PRKCE: variants seen among roughly 807,000 people sequenced by gnomAD.
The protein encoded by PRKCE is protein kinase C epsilon.
PRKCE carries 16 observed loss-of-function variants against 85.4 expected under a neutral mutation model. That is an observed-to-expected ratio of 0.19 (90% CI 0.13 to 0.28). PRKCE has a LOEUF of 0.28. Ranked by LOEUF, PRKCE falls within the 10% of genes least tolerant of loss-of-function variation. The probability of loss-of-function intolerance (pLI) is 1.00; values close to 1 mark genes in which losing one functional copy is unlikely to be tolerated. For missense variants in PRKCE, 573 were observed against 975.2 expected (o/e 0.59, Z 5.49); for synonymous variants, 388 against 371.5 (o/e 1.04, Z -0.51).
At chr2:45,997,255 A>G (rs1345137051) in intron 6 of PRKCE, among the ~76,000 whole-genome samples, 1 of 152,022 alleles carries the variant, frequency 6.6e-6, no homozygotes, top group Non-Finnish European at 1.5e-5. Flanking sequence ...TGCTCTTTAC[A>G]AAGAACCAGC....
intron 1 of PRKCE, among the ~76,000 whole-genome samples, chr2:45,797,386 G>T (rs1687524516): frequency 6.6e-6 from 1 of 152,322 alleles, no homozygotes; most frequent in African/African-American, 2.4e-5. Context: ...ACACACCCTG[G>T]TTTGCCCAGA....
At chr2:45,743,297 A>ATAATTAGCTTGATTG (rs1682736165) in intron 1 of PRKCE, among the ~76,000 whole-genome samples, 1 of 152,014 alleles carries the variant, frequency 6.6e-6, no homozygotes, top group Non-Finnish European at 1.5e-5. Flanking sequence ...TGAGGTGAAT[A>ATAATTAGCTTGATTG]TGATAATTAG....
intron 1 of PRKCE, among the ~76,000 whole-genome samples, chr2:45,681,193 G>A (rs1310795378): frequency 6.8e-6 from 1 of 147,448 alleles, no homozygotes; most frequent in Non-Finnish European, 1.5e-5. Context: ...GGAGGCTGAG[G>A]CAGGAGAAGC....
At chr2:46,093,656 A>C (rs1302822951) in intron 11 of PRKCE, among the ~76,000 whole-genome samples, 1 of 151,640 alleles carries the variant, frequency 6.6e-6, no homozygotes, top group Non-Finnish European at 1.5e-5. Flanking sequence ...AGCCTCCCAA[A>C]TTGCTGGGAT....
intron 2 of PRKCE, among the ~76,000 whole-genome samples, chr2:45,924,341 T>C (rs1385650050): frequency 6.6e-6 from 1 of 152,220 alleles, no homozygotes; most frequent in Non-Finnish European, 1.5e-5. Context: ...ATTTTGAGGC[T>C]TTCTTTACTG....
intron 2 of PRKCE, among the ~76,000 whole-genome samples, chr2:45,928,532 A>T (rs900633428): frequency 6.6e-6 from 1 of 152,204 alleles, no homozygotes; most frequent in African/African-American, 2.4e-5. Context: ...GGCTTCCCAA[A>T]GTGCTAGGAT....
rs575758089 is a variant in PRKCE at position 46,098,783 on chromosome 2, T to C, written c.1592+12421T>C. 1.2e-3 allele frequency among the ~76,000 whole-genome samples: 181 copies of C among 152,310 alleles called. 1 individual carries two copies. The highest frequency in any genetic ancestry group is 4.3e-3 in the African/African-American group (180 of 41,560). On this transcript the variant is annotated intron_variant, in intron 11 of 14. Coordinates refer to ENST00000306156, the MANE Select transcript of PRKCE (RefSeq NM_005400.3). ...TGCCTTTGGCTATTGAATCATTAGA[T>C]TGAGCTACTAAAAATGAGAATTGTT...
At chr2:45,833,954 T>C (rs550675839) in intron 1 of PRKCE, among the ~76,000 whole-genome samples, 1 of 152,348 alleles carries the variant, frequency 6.6e-6, no homozygotes, top group East Asian at 1.9e-4. Flanking sequence ...TCTGTACCCT[T>C]ACACACTCTC....
At chr2:45,808,072 G>C (rs1368159509) in intron 1 of PRKCE, among the ~76,000 whole-genome samples, 1 of 152,022 alleles carries the variant, frequency 6.6e-6, no homozygotes, top group African/African-American at 2.4e-5. Context: ...TCATGGTAGC[G>C]CATAGTGGTC....
chr2:45,658,722 T>A (rs1675496188), intron 1 of PRKCE, among the ~76,000 whole-genome samples: 1 of 152,242 alleles, frequency 6.6e-6, no homozygotes, highest in Non-Finnish European at 1.5e-5. Flanking sequence ...AAGAGTCATT[T>A]GTGTGTTCAT....
Position 46,014,883 on chromosome 2 carries a change from C to T in PRKCE, c.1437+4366C>T, listed in dbSNP as rs141149742. ...AAACCTAGAAATTATTTCCAAATCTCATTTGTATTATTTTTCCAATGCTTG... is the reference window on the plus strand; with the variant it reads ...AAACCTAGAAATTATTTCCAAATCTTATTTGTATTATTTTTCCAATGCTTG... On this transcript the variant is annotated intron_variant, in intron 10 of 14. Transcript: ENST00000306156. Among the ~76,000 whole-genome samples the T allele has an allele frequency of 4.0e-4, 61 of 152,298 alleles. No homozygotes were observed. The South Asian group carries it at 6.4e-3, about 16-fold the overall frequency.
intron 1 of PRKCE, among the ~76,000 whole-genome samples, chr2:45,656,856 C>T (rs1216970328): frequency 6.6e-6 from 1 of 152,200 alleles, no homozygotes; most frequent in Non-Finnish European, 1.5e-5. Flanking sequence ...AGCATTTTTA[C>T]ATAGATATGT....
chr2:45,677,542 G>C (rs1254933514), intron 1 of PRKCE, among the ~76,000 whole-genome samples: 3 of 152,036 alleles, frequency 2.0e-5, no homozygotes, highest in East Asian at 3.9e-4. Context: ...ATTTTTAGTA[G>C]AGACGGGGTT....
chr2:45,874,521 G>A (rs114771116), intron 2 of PRKCE, among the ~76,000 whole-genome samples: 2,667 of 152,358 alleles, frequency 0.018, 78 homozygotes, highest in East Asian at 0.083. Context: ...AGAGGCAAGT[G>A]ACAGCCTTCC....
At chr2:45,836,097 T>C (rs1690853237) in intron 1 of PRKCE, among the ~76,000 whole-genome samples, 1 of 152,196 alleles carries the variant, frequency 6.6e-6, no homozygotes, top group Admixed American at 6.5e-5. Flanking sequence ...TTTTTTAATA[T>C]ATTGAAGTAG....
At chr2:45,778,400 T>TG (rs1479516202) in intron 1 of PRKCE, among the ~76,000 whole-genome samples, 1 of 152,146 alleles carries the variant, frequency 6.6e-6, no homozygotes, top group Non-Finnish European at 1.5e-5. Flanking sequence ...GAGACCCTGA[T>TG]GGGGAGATCC....
chr2:45,816,707 C>T (rs1187528386), intron 1 of PRKCE, among the ~76,000 whole-genome samples: 2 of 152,142 alleles, frequency 1.3e-5, no homozygotes, highest in African/African-American at 2.4e-5. Context: ...CAGGGTATCC[C>T]CAGCGCCACC....
At chr2:46,142,055 G>C (rs1264737411) in intron 11 of PRKCE, among the ~76,000 whole-genome samples, 3 of 152,188 alleles carry the variant, frequency 2.0e-5, no homozygotes, top group Non-Finnish European at 4.4e-5. Flanking sequence ...CAGGAATGAG[G>C]AGTGGAAATT....
chr2:45,976,319 C>G (rs373854874), intron 2 of PRKCE, 110 bp from the exon 3 acceptor site: 3 of 1,314,160 alleles, frequency 2.3e-6, no homozygotes, highest in Admixed American at 2.1e-5. Flanking sequence ...CTACCTCTCA[C>G]CCACCCCAGC....
Sources: gnomAD v4.1 joint callset for allele counts (sites outside exome capture counted in the v4.1 genomes callset) on GRCh38, gnomAD v4.1.1 for gene constraint, MANE v1.5 for transcripts, NCBI Gene and HGNC (gene_info 2026-07-23, HGNC 2026-07-21) for gene names.